HNRNPUL2: variants seen among roughly 807,000 people sequenced by gnomAD.
The protein encoded by HNRNPUL2 is heterogeneous nuclear ribonucleoprotein U-like protein 2.
HNRNPUL2 carries 27 observed loss-of-function variants against 102.2 expected under a neutral mutation model. The ratio of observed to expected loss-of-function variants is 0.26; its 90% CI spans 0.19 to 0.36. The LOEUF is 0.36. Ranked by LOEUF, HNRNPUL2 falls within the 10% of genes least tolerant of loss-of-function variation. The pLI, the probability that HNRNPUL2 is intolerant of heterozygous loss-of-function variation, is 1.00. For missense variants in HNRNPUL2, 936 were observed against 981.1 expected (o/e 0.95, Z 0.61); for synonymous variants, 458 against 387.2 (o/e 1.18, Z -2.15).
chr11:62,719,441 ACT>A (rs1038104262), intron 10 of HNRNPUL2, among the ~76,000 whole-genome samples: 21 of 152,244 alleles, frequency 1.4e-4, no homozygotes, highest in African/African-American at 5.1e-4. Context: ...ACAGGGTGAG[ACT>A]CTGTCTCAAA....
Position 62,722,345 on chromosome 11 carries a change from G to A in HNRNPUL2, c.1131C>T (p.Ser377=). 3 of 1,613,962 alleles carry A rather than the reference G, an allele frequency of 1.9e-6. No individual in the cohort carries two copies. The highest frequency in any genetic ancestry group is 1.3e-5 in the African/African-American group (1 of 75,016). The change falls in exon 7 of 14, where the codon TCC becomes TCT. Residue 377 remains serine (S), a synonymous_variant. Coordinates refer to ENST00000301785, the MANE Select transcript of HNRNPUL2 (RefSeq NM_001079559.3). ...FETEEVELSF[S]KNGEDLGVAF... is the part of the protein sequence containing the mutation. ...CCACACCTAGGTCTTCTCCATTCTT[G>A]GAGAAGGAAAGTTCTACTTCTTCAG...
At chr11:62,716,014 T>G in intron 11 of HNRNPUL2, 77 bp from the exon 12 acceptor site, 1 of 1,215,316 alleles carries the variant, frequency 8.2e-7, no homozygotes, top group Non-Finnish European at 1.1e-6. Context: ...AATCAAAAAC[T>G]TGGAGCCAAA....
In HNRNPUL2 at chr11:62,727,241, C is replaced by T. The variant is rs2083763644; in HGVS notation, c.-85G>A. ...CCGACCGCGCAGGCGCCGCCGCCGC[C>T]GCCCGCCTCCGCCTCACGCGCCAGC... is the stretch of plus-strand genomic sequence containing the variant. On this transcript the variant is annotated 5_prime_UTR_variant, in exon 1 of 14. Transcript: ENST00000301785. 8.5e-6 allele frequency: 11 copies of T among 1,301,068 alleles called. No individual in the cohort carries two copies. Among genetic ancestry groups the T allele is most frequent in the Non-Finnish European group, 1.1e-5 (11 of 1,028,340 alleles). 80.6% of individuals were successfully genotyped at this position (1,301,068 alleles called of 1,614,324 possible).
rs764530733 is a variant in HNRNPUL2 at position 62,723,723 on chromosome 11, G to A, written c.755C>T (p.Thr252Ile). Residue 252 changes from threonine (T) to isoleucine (I), a missense_variant, in exon 4 of 14, where the codon ACC becomes ATC. Coordinates refer to ENST00000301785, the MANE Select transcript of HNRNPUL2 (RefSeq NM_001079559.3). ...DQTLVNLDTY[T>I]SDLHFQVSKD... ...GCTCACTTGAAAATGCAGATCCGAGGTATCTGTAAAGAAAGAAGCAATCAG... is the reference window on the plus strand; with the variant it reads ...GCTCACTTGAAAATGCAGATCCGAGATATCTGTAAAGAAAGAAGCAATCAG... 6.2e-7 allele frequency: 1 copy of A among 1,614,068 alleles called. No individual in the cohort carries two copies. The highest frequency in any genetic ancestry group is 8.5e-7 in the Non-Finnish European group (1 of 1,180,002).
intron 10 of HNRNPUL2, among the ~76,000 whole-genome samples, chr11:62,718,470 G>A (rs1386728030): frequency 6.6e-6 from 1 of 152,042 alleles, no homozygotes; most frequent in Non-Finnish European, 1.5e-5. Flanking sequence ...GGAGGCCGAG[G>A]CGGGCAGATC....
In HNRNPUL2 at chr11:62,722,724, CA is replaced by C. The variant is rs779028376; in HGVS notation, c.983-12del. 6.2e-7 allele frequency: 1 copy of C among 1,611,570 alleles called. No individual in the cohort carries two copies. On this transcript the variant is annotated splice_polypyrimidine_tract_variant and intron_variant, in intron 5 of 13. Coordinates refer to ENST00000301785, the MANE Select transcript of HNRNPUL2 (RefSeq NM_001079559.3). The stretch of plus-strand genomic sequence containing the variant: ...AGAATTCATCTTCACCTAGAACAGT[CA>C]ACAAATTAGTTACCTACAACCGGAC...
chr11:62,722,535 A>G (rs1311595994), intron 6 of HNRNPUL2, 66 bp downstream of exon 6: 2 of 1,439,266 alleles, frequency 1.4e-6, no homozygotes, highest in Non-Finnish European at 9.8e-7. Context: ...GATGGGAAGC[A>G]CAAGTGAATT....
rs768677373 is a variant in HNRNPUL2, at chr11:62,726,757, C to T, written c.400G>A (p.Ala134Thr). The change falls in exon 1 of 14, where the codon GCC (alanine) becomes ACC (threonine). Residue 134 changes from alanine to threonine, a missense_variant. Physicochemically the swap from Ala to Thr is moderately conservative, Grantham distance 58 (BLOSUM62 0). This residue lies in a region of HNRNPUL2 where 327 missense variants were observed against 268.1 expected (regional missense o/e 1.22). Coordinates refer to ENST00000301785, the MANE Select transcript of HNRNPUL2 (RefSeq NM_001079559.3). ...TTTACCCCGCCTGACCCGGCCGTGG[C>T]CTCCGCCGGCTTCTCGGAAGCATCT... is the stretch of plus-strand genomic sequence containing the variant. The part of the protein sequence containing the change: ...EPDASEKPAE[A>T]TAGSGGVNGG... The T allele has an allele frequency of 6.9e-6, 11 of 1,601,078 alleles. No homozygotes were observed. The South Asian group carries it at 1.1e-4, about 16-fold the overall frequency.
Position 62,727,223 on chromosome 11 carries a change from C to G in HNRNPUL2, c.-67G>C. On this transcript the variant is annotated 5_prime_UTR_variant, in exon 1 of 14. Coordinates refer to ENST00000301785, the MANE Select transcript of HNRNPUL2 (RefSeq NM_001079559.3). ...GCGAACCGTCGACCGAGTCCGACCG[C>G]GCAGGCGCCGCCGCCGCCGCCCGCC... The G allele has an allele frequency of 2.3e-6, 3 of 1,311,522 alleles. No individual in the cohort carries two copies. The highest frequency in any genetic ancestry group is 2.9e-6 in the Non-Finnish European group (3 of 1,033,988). The allele number at this position is 1,311,522 out of a possible 1,614,324, so 81.2% of individuals were successfully genotyped here. A position where few individuals can be genotyped will look rare whatever the true frequency, so the allele number is the denominator to read the frequency against.
rs747705930 is a variant in HNRNPUL2, at chr11:62,726,581, C to A, written c.538+38G>T. 6 of 1,486,680 alleles carry A rather than the reference C, an allele frequency of 4.0e-6. No individual in the cohort carries two copies. The East Asian group carries it at 7.5e-5, about 19-fold the overall frequency. 92.1% of individuals were successfully genotyped at this position (1,486,680 alleles called of 1,614,324 possible). A position where few individuals can be genotyped will look rare whatever the true frequency, so the allele number is the denominator to read the frequency against. ...CGGGGTGCTAGATCAGGGGCGCAGC[C>A]GGCAGGTTGGAGCCGGGCTCGGCTG... On this transcript the variant is annotated intron_variant, in intron 1 of 13. Transcript: ENST00000301785.
intron 1 of HNRNPUL2, among the ~76,000 whole-genome samples, chr11:62,724,982 G>A (rs928311411): frequency 1.1e-4 from 17 of 152,244 alleles, no homozygotes; most frequent in South Asian, 2.1e-4. Context: ...TTTTATCAGG[G>A]ACTTCTACTG....
At chr11:62,724,260 T>TCC (rs748416137) in intron 2 of HNRNPUL2, 31 bp downstream of exon 2, 2 of 1,613,690 alleles carry the variant, frequency 1.2e-6, no homozygotes, top group Non-Finnish European at 1.7e-6. Context: ...GAGCAGACAC[T>TCC]CCCTTCAACG....
At position 62,726,783 on chromosome 11, in the gene HNRNPUL2, G is replaced by A. The variant is rs1364430720; in HGVS notation, c.374C>T (p.Pro125Leu). The change falls in exon 1 of 14, where the codon CCA becomes CTA. Residue 125 changes from proline (P) to leucine (L), a missense_variant. Around this residue, in one of 2 missense-constraint regions of HNRNPUL2, gnomAD observed 327 missense variants for 268.1 expected, o/e 1.22. Coordinates refer to ENST00000301785, the MANE Select transcript of HNRNPUL2 (RefSeq NM_001079559.3). ...CTCCGCCGGCTTCTCGGAAGCATCT[G>A]GCTCGGCCGCGGCCTCCATGGCTGC... is the stretch of plus-strand genomic sequence containing the variant. The part of the protein sequence containing the change: ...EAAAMEAAAE[P>L]DASEKPAEAT... 1.9e-6 allele frequency: 3 copies of A among 1,600,088 alleles called. 1 individual carries two copies. Among genetic ancestry groups the A allele is most frequent in the South Asian group, 2.2e-5 (2 of 90,952 alleles).
intron 2 of HNRNPUL2, 59 bp from the exon 3 acceptor site, chr11:62,724,049 T>C: frequency 1.5e-6 from 2 of 1,346,350 alleles, no homozygotes; most frequent in African/African-American, 1.4e-5. Flanking sequence ...CTTTGAGGGG[T>C]GTGTGTGTAT....
chr11:62,716,101 A>G (rs2134768186), intron 11 of HNRNPUL2, among the ~76,000 whole-genome samples, 164 bp from the exon 12 acceptor site: 1 of 152,310 alleles, frequency 6.6e-6, no homozygotes, highest in Middle Eastern at 3.4e-3. Context: ...AGGAACTTTT[A>G]AAAAGTCTGA....
At position 62,720,154 on chromosome 11, in the gene HNRNPUL2, A is replaced by C; in HGVS notation, c.1649T>G (p.Leu550Trp). Reference protein sequence around the residue: ...VYNSGQRRKLLLFKTFSRKVV... With the variant: ...VYNSGQRRKLWLFKTFSRKVV... ...TTTCCGAGAGAAGGTCTTGAACAGC[A>C]ATAGCTTCCGCCGTTGGCCAGAATT... The change falls in exon 10 of 14, where the codon TTG becomes TGG. Residue 550 changes from leucine to tryptophan, a missense_variant. Leu to Trp is a moderately conservative substitution (Grantham distance 61). Around this residue, in one of 2 missense-constraint regions of HNRNPUL2, gnomAD observed 609 missense variants for 713.0 expected, o/e 0.85. Transcript: ENST00000301785. The C allele has an allele frequency of 6.2e-7, 1 of 1,614,130 alleles. No individual in the cohort carries two copies. Among genetic ancestry groups the C allele is most frequent in the Non-Finnish European group, 8.5e-7 (1 of 1,179,966 alleles).
At chr11:62,719,377 G>A (rs542110628) in intron 10 of HNRNPUL2, among the ~76,000 whole-genome samples, 2 of 152,272 alleles carry the variant, frequency 1.3e-5, no homozygotes, top group African/African-American at 2.4e-5. Context: ...CTTGAACCCA[G>A]GAGGTGGACG....
rs2083628666 is a variant in HNRNPUL2 at position 62,712,647 on chromosome 11, G to C, written c.*2652C>G. Reference sequence around the variant, plus strand: ...AGATAGGGTGAATTCAATCCAAATGGTTATTTATTCTAAAACTGGAAGCTA... The same window carrying C: ...AGATAGGGTGAATTCAATCCAAATGCTTATTTATTCTAAAACTGGAAGCTA... On this transcript the variant is annotated 3_prime_UTR_variant, in exon 14 of 14. Coordinates refer to ENST00000301785, the MANE Select transcript of HNRNPUL2 (RefSeq NM_001079559.3). 6.6e-6 allele frequency: 1 copy of C among 152,188 alleles called. No individual in the cohort carries two copies. The highest frequency in any genetic ancestry group is 6.5e-5 in the Admixed American group (1 of 15,268). The allele number at this position is 152,188 out of a possible 1,614,324, so 9.4% of individuals were successfully genotyped here.
At chr11:62,716,707 T>G (rs570282996) in intron 11 of HNRNPUL2, among the ~76,000 whole-genome samples, 7 of 152,186 alleles carry the variant, frequency 4.6e-5, no homozygotes, top group African/African-American at 7.2e-5. Flanking sequence ...GAAAACTAGA[T>G]AGATGAGAAA....
Sources: gnomAD v4.1 joint callset for allele counts (sites outside exome capture counted in the v4.1 genomes callset) on GRCh38, gnomAD v4.1.1 for gene constraint, gnomAD v4.1.1 regional missense constraint, MANE v1.5 for transcripts, NCBI Gene and HGNC (gene_info 2026-07-23, HGNC 2026-07-21) for gene names.